Variants in DENND1A observed in about 807,000 individuals in gnomAD.
The protein encoded by DENND1A is DENN domain containing 1A, also known as DENN domain-containing protein 1A.
In DENND1A, 51 loss-of-function variants were observed where a neutral mutation model predicts 113.7. That is an observed-to-expected ratio of 0.45 (90% CI 0.36 to 0.57). The LOEUF is 0.57. Among genes scored for constraint, DENND1A ranks in the 20% least tolerant of loss-of-function variants. The pLI is 0.00. For missense variants in DENND1A, 1,258 were observed against 1,395.9 expected (o/e 0.90, Z 1.57); for synonymous variants, 565 against 570.8 (o/e 0.99, Z 0.14).
At chr9:123,592,589 G>T (rs1315981014) in intron 11 of DENND1A, among the ~76,000 whole-genome samples, 5 of 152,168 alleles carry the variant, frequency 3.3e-5, no homozygotes, top group African/African-American at 1.2e-4. Flanking sequence ...TTCAATATCT[G>T]GGTGGTGGTT....
At chr9:123,391,838 C>T (rs1278108517) in intron 21 of DENND1A, among the ~76,000 whole-genome samples, 1 of 151,808 alleles carries the variant, frequency 6.6e-6, no homozygotes, top group African/African-American at 2.4e-5. Context: ...CCACCCACCA[C>T]TTGCCTGGAT....
intron 2 of DENND1A, among the ~76,000 whole-genome samples, chr9:123,822,151 C>G (rs956216680): frequency 2.0e-5 from 3 of 152,148 alleles, no homozygotes; most frequent in African/African-American, 7.2e-5. Context: ...TTTTATATAT[C>G]TGTATAGCAC....
chr9:123,765,307 A>G (rs1381002176), intron 4 of DENND1A, among the ~76,000 whole-genome samples: 1 of 152,176 alleles, frequency 6.6e-6, no homozygotes, highest in Non-Finnish European at 1.5e-5. Context: ...TTGGGTAGTT[A>G]TCAAGCCTAT....
chr9:123,693,652 G>C (rs1294267056), intron 5 of DENND1A, among the ~76,000 whole-genome samples: 1 of 151,802 alleles, frequency 6.6e-6, no homozygotes, highest in Non-Finnish European at 1.5e-5. Context: ...TGAAGGACAA[G>C]TTTTCATGGC....
At chr9:123,722,424 G>A (rs751581710) in intron 5 of DENND1A, among the ~76,000 whole-genome samples, 2 of 152,208 alleles carry the variant, frequency 1.3e-5, no homozygotes, top group Non-Finnish European at 2.9e-5. Flanking sequence ...TTGCATAAAC[G>A]AGGAGCTGAA....
intron 11 of DENND1A, among the ~76,000 whole-genome samples, chr9:123,599,435 C>G (rs1426579563): frequency 2.6e-5 from 4 of 152,192 alleles, no homozygotes; most frequent in Non-Finnish European, 5.9e-5. Flanking sequence ...GACTGTTGAG[C>G]TATCTTCTAG....
At chr9:123,725,753 T>C (rs1426472433) in intron 5 of DENND1A, among the ~76,000 whole-genome samples, 4 of 152,238 alleles carry the variant, frequency 2.6e-5, no homozygotes, top group African/African-American at 9.6e-5. Flanking sequence ...GATGGGTTCC[T>C]TTGTAAACAA....
chr9:123,880,297 A>T (rs934453378), intron 1 of DENND1A, among the ~76,000 whole-genome samples: 4 of 152,154 alleles, frequency 2.6e-5, no homozygotes, highest in Admixed American at 2.0e-4. Context: ...CACTGCACCC[A>T]GCCAATAGTT....
chr9:123,557,491 T>C, intron 13 of DENND1A, 79 bp downstream of exon 13: 3 of 1,559,496 alleles, frequency 1.9e-6, no homozygotes, highest in Admixed American at 1.9e-5. Flanking sequence ...AGAAGAATCA[T>C]GGCATTTCTT....
intron 20 of DENND1A, among the ~76,000 whole-genome samples, chr9:123,410,300 A>G (rs1194872219): frequency 1.3e-5 from 2 of 151,750 alleles, no homozygotes; most frequent in African/African-American, 4.8e-5. Context: ...CTGTACTGAA[A>G]CTCTCACTAG....
chr9:123,472,330 G>A (rs1029314948), intron 13 of DENND1A, among the ~76,000 whole-genome samples: 2 of 152,160 alleles, frequency 1.3e-5, no homozygotes, highest in Non-Finnish European at 2.9e-5. Context: ...CTGGGAAGCA[G>A]GTGGAGGGCC....
intron 13 of DENND1A, among the ~76,000 whole-genome samples, chr9:123,483,656 G>T (rs552277262): frequency 6.6e-6 from 1 of 152,148 alleles, no homozygotes; most frequent in Non-Finnish European, 1.5e-5. Flanking sequence ...TGTGTCCTGG[G>T]GTGGCTCCGG....
intron 10 of DENND1A, among the ~76,000 whole-genome samples, chr9:123,612,532 T>C (rs1294317753): frequency 6.6e-6 from 1 of 152,216 alleles, no homozygotes; most frequent in African/African-American, 2.4e-5. Flanking sequence ...AGTGCATACA[T>C]TGTTTTATTT....
chr9:123,440,482 C>A lies in DENND1A; in HGVS notation c.1366G>T (p.Glu456Ter). 1.3e-6 allele frequency: 2 copies of A among 1,571,806 alleles called. No individual in the cohort carries two copies. Among genetic ancestry groups the A allele is most frequent in the Admixed American group, 2.1e-5 (1 of 48,060 alleles). Residue 456 changes from glutamate (E) to a stop codon, truncating the protein, a stop_gained, in exon 19 of 24, where the codon GAG (glutamate) becomes TAG (stop). Coordinates refer to ENST00000394215, the MANE Select transcript of DENND1A (RefSeq NM_001352964.2). LOFTEE classifies it high-confidence loss of function. ...TCTGGGGTGGGGGCGCAGCCATTCTCGGCAATGTCCTGTAGGGAGAAGGAT... is the reference window on the plus strand; with the variant it reads ...TCTGGGGTGGGGGCGCAGCCATTCTAGGCAATGTCCTGTAGGGAGAAGGAT... Reference protein sequence around the residue: ...KNRLKQKDIAENGCAPTPEEQ... With the variant: ...KNRLKQKDIA
chr9:123,511,070 C>T (rs1414464982), intron 13 of DENND1A, among the ~76,000 whole-genome samples: 1 of 152,188 alleles, frequency 6.6e-6, no homozygotes, highest in African/African-American at 2.4e-5. Context: ...CAGCTACATT[C>T]CCCTCCTTCT....
intron 2 of DENND1A, among the ~76,000 whole-genome samples, chr9:123,860,232 G>A (rs1186960049): frequency 2.0e-5 from 3 of 152,144 alleles, no homozygotes; most frequent in Non-Finnish European, 4.4e-5. Flanking sequence ...AGACAACCTA[G>A]ACAAATATAC....
intron 2 of DENND1A, among the ~76,000 whole-genome samples, chr9:123,832,390 T>C (rs754302267): frequency 6.6e-6 from 1 of 152,204 alleles, no homozygotes; most frequent in Non-Finnish European, 1.5e-5. Flanking sequence ...GTGTTGGTGA[T>C]GATATAGAGC....
rs76835710 is a variant in DENND1A, at chr9:123,401,621, A to G, written c.1631+1781T>C. On this transcript the variant is annotated intron_variant, in intron 21 of 23. Coordinates refer to ENST00000394215, the MANE Select transcript of DENND1A (RefSeq NM_001352964.2). ...CTCCCACTGGTTTATTTCAACCCCAAATATTTTCCAACAGAAGTAGAAAAC... is the reference window on the plus strand; with the variant it reads ...CTCCCACTGGTTTATTTCAACCCCAGATATTTTCCAACAGAAGTAGAAAAC... 0.017 allele frequency: 24,176 copies of G among 1,436,864 alleles called. 1,799 individuals carry two copies. The East Asian group carries it at 0.19, about 11-fold the overall frequency. 89.0% of individuals were successfully genotyped at this position (1,436,864 alleles called of 1,614,324 possible).
At chr9:123,674,247 A>G (rs2063908182) in intron 6 of DENND1A, among the ~76,000 whole-genome samples, 1 of 151,728 alleles carries the variant, frequency 6.6e-6, no homozygotes, top group South Asian at 2.1e-4. Context: ...TGATGGGTCC[A>G]TGGCCCAAAC....
Sources: allele counts gnomAD v4.1 joint callset (sites outside exome capture counted in the v4.1 genomes callset), GRCh38; gene constraint gnomAD v4.1.1; transcripts MANE v1.5; gene names NCBI Gene and HGNC (gene_info 2026-07-23, HGNC 2026-07-21).